RALGPS1: variants seen among roughly 807,000 people sequenced by gnomAD.
RALGPS1 encodes Ral GEF with PH domain and SH3 binding motif 1, also known as ras-specific guanine nucleotide-releasing factor RalGPS1.
Under a neutral mutation model 78.8 loss-of-function variants are expected in RALGPS1, and 19 were observed. That is an observed-to-expected ratio of 0.24 (90% CI 0.17 to 0.35). RALGPS1 has a LOEUF of 0.35. Ranked by LOEUF, RALGPS1 falls within the 10% of genes least tolerant of loss-of-function variation. The pLI, the probability that RALGPS1 is intolerant of heterozygous loss-of-function variation, is 1.00. For synonymous variants in RALGPS1, 228 were observed against 256.3 expected, an observed-to-expected ratio of 0.89 and a Z score of 1.06; for missense variants, 454 against 688.3, an observed-to-expected ratio of 0.66 and a Z score of 3.81.
chr9:126,953,657 T>G (rs1402887756), intron 1 of RALGPS1, among the ~76,000 whole-genome samples: 1 of 152,184 alleles, frequency 6.6e-6, no homozygotes, highest in Non-Finnish European at 1.5e-5. Flanking sequence ...TGACACCACA[T>G]AAGTGTCTGA....
At chr9:127,123,183 C>A (rs12238093) in intron 8 of RALGPS1, among the ~76,000 whole-genome samples, 5 of 152,220 alleles carry the variant, frequency 3.3e-5, no homozygotes, top group African/African-American at 1.2e-4. Context: ...CATCTCTAAA[C>A]CCTGGGGAAA....
Position 126,963,397 on chromosome 9 carries a change from G to C in RALGPS1, c.57+1051G>C, listed in dbSNP as rs188421083. On this transcript the variant is annotated intron_variant, in intron 2 of 18. Transcript: ENST00000259351. ...TATATTTGAGTGTGTATATATATGT[G>C]TATACACATTATACACATTCACACA... Among the ~76,000 whole-genome samples the C allele has an allele frequency of 1.4e-4, 21 of 152,166 alleles. No individual in the cohort carries two copies. In the East Asian group the frequency reaches 2.7e-3, roughly 20 times the overall value.
chr9:127,103,807 G>T (rs1019304794), intron 8 of RALGPS1, among the ~76,000 whole-genome samples: 15 of 152,216 alleles, frequency 9.9e-5, no homozygotes, highest in African/African-American at 3.6e-4. Context: ...AGAGATAGAA[G>T]GTCAGGTCCC....
chr9:127,002,444 T>C (rs1193973947), intron 4 of RALGPS1, among the ~76,000 whole-genome samples: 1 of 136,962 alleles, frequency 7.3e-6, no homozygotes, highest in African/African-American at 2.5e-5. Flanking sequence ...TTTTTTTTTT[T>C]TTTCTTTTTT....
intron 4 of RALGPS1, among the ~76,000 whole-genome samples, chr9:127,019,559 C>T (rs952188990): frequency 2.0e-5 from 3 of 152,088 alleles, no homozygotes; most frequent in African/African-American, 7.2e-5. Context: ...GATCTCCAGA[C>T]CTTGTGATCC....
At chr9:127,145,597 C>T (rs2058050776) in intron 8 of RALGPS1, among the ~76,000 whole-genome samples, 2 of 152,218 alleles carry the variant, frequency 1.3e-5, no homozygotes, top group African/African-American at 2.4e-5. Flanking sequence ...CTTTCTGACT[C>T]AGGCCGGGGA....
At chr9:127,102,474 G>A (rs191079602) in intron 8 of RALGPS1, among the ~76,000 whole-genome samples, 119 of 152,248 alleles carry the variant, frequency 7.8e-4, no homozygotes, top group African/African-American at 2.8e-3. Flanking sequence ...ATTTCTTTCA[G>A]TTTGCCAAGT....
At chr9:127,128,844 G>A (rs1032273105) in intron 8 of RALGPS1, among the ~76,000 whole-genome samples, 3 of 152,232 alleles carry the variant, frequency 2.0e-5, no homozygotes, top group South Asian at 2.1e-4. Flanking sequence ...TCCAGGCACC[G>A]TGCAAAGCCC....
rs559337393 is a variant in RALGPS1, at chr9:127,205,583, C to G, written c.1247+6517C>G. On this transcript the variant is annotated intron_variant, in intron 14 of 18. Transcript: ENST00000259351. The surrounding 1 kb of genome is among the most constrained non-coding windows in gnomAD (Gnocchi z 4.0). Reference sequence around the variant, plus strand: ...AAATCTCTGCCCACAGCTTCTCTGTCCAATATCTACAATTCCTCCAGAGTC... The same window carrying G: ...AAATCTCTGCCCACAGCTTCTCTGTGCAATATCTACAATTCCTCCAGAGTC... Among the ~76,000 whole-genome samples the G allele has an allele frequency of 6.6e-6, 1 of 152,334 alleles. No homozygotes were observed. The highest frequency in any genetic ancestry group is 2.1e-4 in the South Asian group (1 of 4,828).
chr9:127,000,141 G>A (rs2043155495), intron 4 of RALGPS1, among the ~76,000 whole-genome samples: 1 of 151,774 alleles, frequency 6.6e-6, no homozygotes, highest in African/African-American at 2.4e-5. Context: ...TAATTTTATT[G>A]ATCTCAAGGA....
chr9:127,065,118 A>G (rs1460847741), intron 7 of RALGPS1, among the ~76,000 whole-genome samples: 2 of 151,450 alleles, frequency 1.3e-5, no homozygotes, highest in Non-Finnish European at 2.9e-5. Context: ...TTTTTTAATT[A>G]TTATTATTTT....
At chr9:127,182,195 AT>A (rs1455564934) in intron 11 of RALGPS1, among the ~76,000 whole-genome samples, 1 of 141,486 alleles carries the variant, frequency 7.1e-6, no homozygotes. Context: ...AAAAAAAAAA[AT>A]TAGCAAGGCG....
chr9:126,969,829 G>A (rs866251521), intron 3 of RALGPS1, among the ~76,000 whole-genome samples: 21 of 152,276 alleles, frequency 1.4e-4, no homozygotes, highest in African/African-American at 4.8e-4. Context: ...TCTGAGGCTG[G>A]GAAGACTGTA....
chr9:127,088,866 C>G (rs761716759), intron 8 of RALGPS1: 17 of 1,572,952 alleles, frequency 1.1e-5, no homozygotes, highest in Admixed American at 8.4e-5. Flanking sequence ...AGGAGTTGTT[C>G]TTTGTGCTGT....
At chr9:127,042,369 A>G (rs1053157590) in intron 5 of RALGPS1, among the ~76,000 whole-genome samples, 4 of 152,180 alleles carry the variant, frequency 2.6e-5, no homozygotes, top group African/African-American at 9.7e-5. Context: ...GCAATTGGAA[A>G]TCAATTAATG....
chr9:127,143,594 A>G (rs1397408550), intron 8 of RALGPS1, among the ~76,000 whole-genome samples: 1 of 152,114 alleles, frequency 6.6e-6, no homozygotes, highest in Non-Finnish European at 1.5e-5. Flanking sequence ...AACTACCTCA[A>G]CAGATTTTAA....
intron 4 of RALGPS1, among the ~76,000 whole-genome samples, chr9:126,994,680 T>C (rs796753830): frequency 4.6e-5 from 7 of 151,958 alleles, no homozygotes; most frequent in Non-Finnish European, 7.4e-5. Context: ...ATACAGAGAA[T>C]GCCACAAAGA....
At chr9:127,036,609 G>T (rs1341063687) in intron 5 of RALGPS1, among the ~76,000 whole-genome samples, 1 of 152,194 alleles carries the variant, frequency 6.6e-6, no homozygotes, top group African/African-American at 2.4e-5. Flanking sequence ...GAGGCTTCTT[G>T]TGGCCAAACA....
intron 8 of RALGPS1, among the ~76,000 whole-genome samples, chr9:127,129,589 A>C (rs1440648515): frequency 6.6e-6 from 1 of 152,234 alleles, no homozygotes; most frequent in Non-Finnish European, 1.5e-5. Context: ...AAAGACTGAT[A>C]GAGTGAGCCT....
Sources: allele counts gnomAD v4.1 joint callset (sites outside exome capture counted in the v4.1 genomes callset), GRCh38; gene constraint gnomAD v4.1.1; non-coding constraint Gnocchi (gnomAD v3.1); transcripts MANE v1.5; gene names NCBI Gene and HGNC (gene_info 2026-07-23, HGNC 2026-07-21).